ANKRD6: variants seen among roughly 807,000 people sequenced by gnomAD.
The protein encoded by ANKRD6 is ankyrin repeat domain 6.
A neutral mutation model predicts 82.3 loss-of-function variants in ANKRD6; 56 were observed. The observed-to-expected ratio is 0.68, with a 90% CI of 0.55 to 0.85. The LOEUF (loss-of-function observed/expected upper bound fraction) is 0.85, where lower values mean the gene tolerates loss of function less well. Among genes scored for constraint, ANKRD6 ranks in the 40% least tolerant of loss-of-function variants. ANKRD6 has a pLI of 0.00. For synonymous variants in ANKRD6, 347 were observed against 352.1 expected, an observed-to-expected ratio of 0.99 and a Z score of 0.16; for missense variants, 852 against 907.6, an observed-to-expected ratio of 0.94 and a Z score of 0.79.
chr6:89,457,435 G>T (rs758621412), intron 1 of ANKRD6, among the ~76,000 whole-genome samples: 1 of 152,090 alleles, frequency 6.6e-6, no homozygotes, highest in Non-Finnish European at 1.5e-5. Flanking sequence ...CTTACCTTAC[G>T]TGCATGTCAT....
chr6:89,517,879 A>G (rs1485980045), intron 1 of ANKRD6, among the ~76,000 whole-genome samples: 1 of 152,242 alleles, frequency 6.6e-6, no homozygotes, highest in Non-Finnish European at 1.5e-5. Flanking sequence ...CTTACCAGTC[A>G]TAGCCCCTGT....
intron 1 of ANKRD6, among the ~76,000 whole-genome samples, chr6:89,506,843 T>A (rs567085552): frequency 6.6e-6 from 1 of 152,204 alleles, no homozygotes; most frequent in Non-Finnish European, 1.5e-5. Context: ...CCTTCTGTCC[T>A]CTCCAACTAG....
At chr6:89,452,987 G>A (rs2127958232) in intron 1 of ANKRD6, among the ~76,000 whole-genome samples, 1 of 152,226 alleles carries the variant, frequency 6.6e-6, no homozygotes, top group South Asian at 2.1e-4. Context: ...CGGCTCCCAT[G>A]GATTTGAGCC....
intron 1 of ANKRD6, among the ~76,000 whole-genome samples, chr6:89,527,333 G>A (rs1056500673): frequency 2.0e-5 from 3 of 152,022 alleles, no homozygotes; most frequent in Non-Finnish European, 2.9e-5. Flanking sequence ...AGTGACTCAC[G>A]CCTGTAATCC....
Position 89,470,967 on chromosome 6 carries a change from A to G in ANKRD6, c.-144+37592A>G, listed in dbSNP as rs148616124. Among the ~76,000 whole-genome samples, 1,100 of 152,138 alleles carry G rather than the reference A, an allele frequency of 7.2e-3. 16 individuals carry two copies. The highest frequency in any genetic ancestry group is 0.024 in the African/African-American group (1,000 of 41,470). Reference sequence around the variant, plus strand: ...CTTTACTAGTTTTATGGCTTTATATATATGTTTACATTTATATATAATGCA... The same window carrying G: ...CTTTACTAGTTTTATGGCTTTATATGTATGTTTACATTTATATATAATGCA... On this transcript the variant is annotated intron_variant, in intron 1 of 15. Transcript: ENST00000339746.
intron 9 of ANKRD6, among the ~76,000 whole-genome samples, chr6:89,619,295 G>C (rs940185974): frequency 6.6e-6 from 1 of 152,074 alleles, no homozygotes; most frequent in Non-Finnish European, 1.5e-5. Flanking sequence ...GTCTCTCATG[G>C]ATCTAAAAGT....
chr6:89,572,093 A>G (rs2128091161), intron 2 of ANKRD6, among the ~76,000 whole-genome samples: 1 of 152,210 alleles, frequency 6.6e-6, no homozygotes, highest in Non-Finnish European at 1.5e-5. Context: ...ATGTCTTTTC[A>G]TGGCTTGATA....
chr6:89,532,416 A>G (rs1468163168), intron 1 of ANKRD6, among the ~76,000 whole-genome samples: 4 of 152,144 alleles, frequency 2.6e-5, no homozygotes, highest in Admixed American at 1.3e-4. Context: ...ATTCTAATTC[A>G]TCTATCAGCT....
chr6:89,501,193 A>G (rs1165902963), intron 1 of ANKRD6, among the ~76,000 whole-genome samples: 1 of 152,222 alleles, frequency 6.6e-6, no homozygotes, highest in African/African-American at 2.4e-5. Flanking sequence ...TGTACCTGCA[A>G]AATCAAGACT....
intron 2 of ANKRD6, among the ~76,000 whole-genome samples, chr6:89,584,691 G>T (rs1793320553): frequency 6.6e-6 from 1 of 152,194 alleles, no homozygotes; most frequent in South Asian, 2.1e-4. Flanking sequence ...TTCCAAGTAT[G>T]CAAGACTGGG....
At chr6:89,503,994 C>T (rs1779542699) in intron 1 of ANKRD6, among the ~76,000 whole-genome samples, 1 of 152,006 alleles carries the variant, frequency 6.6e-6, no homozygotes, top group Non-Finnish European at 1.5e-5. Flanking sequence ...AGACCATTGT[C>T]CAGACCTGGG....
At chr6:89,616,061 C>T (rs929535633) in intron 7 of ANKRD6, among the ~76,000 whole-genome samples, 1 of 152,204 alleles carries the variant, frequency 6.6e-6, no homozygotes, top group African/African-American at 2.4e-5. Flanking sequence ...CAGATCTACC[C>T]GCTGTAGCTG....
chr6:89,524,286 T>C (rs1181077733), intron 1 of ANKRD6, among the ~76,000 whole-genome samples: 1 of 152,136 alleles, frequency 6.6e-6, no homozygotes, highest in Non-Finnish European at 1.5e-5. Flanking sequence ...TGTGTAGTCC[T>C]TTATCCCTCA....
At chr6:89,630,299 CGTTA>C in intron 15 of ANKRD6, 130 bp from the exon 16 acceptor site, 1 of 1,027,922 alleles carries the variant, frequency 9.7e-7, no homozygotes, top group Admixed American at 2.9e-5. Flanking sequence ...TCAGAGGAGA[CGTTA>C]CACATGGTGG....
chr6:89,511,617 TG>T (rs1171210373), intron 1 of ANKRD6, among the ~76,000 whole-genome samples: 1 of 152,202 alleles, frequency 6.6e-6, no homozygotes, highest in East Asian at 1.9e-4. Flanking sequence ...AATAGTAATA[TG>T]AATAAATTTG....
intron 1 of ANKRD6, chr6:89,562,892 C>A (rs145716683): frequency 1.3e-5 from 2 of 152,264 alleles, no homozygotes; most frequent in East Asian, 3.9e-4. Context: ...AGGACAGCCC[C>A]TCGGATGTGA....
intron 1 of ANKRD6, among the ~76,000 whole-genome samples, chr6:89,502,814 T>A (rs1235176159): frequency 6.6e-6 from 1 of 152,104 alleles, no homozygotes; most frequent in Non-Finnish European, 1.5e-5. Flanking sequence ...GATTTAAATT[T>A]AAAAATACAG....
At chr6:89,579,625 T>C (rs1792002182) in intron 2 of ANKRD6, among the ~76,000 whole-genome samples, 1 of 151,682 alleles carries the variant, frequency 6.6e-6, no homozygotes, top group South Asian at 2.1e-4. Context: ...GGTGTGGTGG[T>C]GCACGCCTGT....
intron 1 of ANKRD6, among the ~76,000 whole-genome samples, chr6:89,478,661 A>G (rs1776374427): frequency 6.6e-6 from 1 of 151,136 alleles, no homozygotes. Flanking sequence ...TGGTGCTGAG[A>G]CAGGAGAATT....
Sources: allele counts gnomAD v4.1 joint callset (sites outside exome capture counted in the v4.1 genomes callset), GRCh38; gene constraint gnomAD v4.1.1; transcripts MANE v1.5; gene names NCBI Gene and HGNC (gene_info 2026-07-23, HGNC 2026-07-21).